The following DNMT3A variants were observed in gnomAD, a reference collection of about 807,000 sequenced individuals.
DNMT3A encodes DNA methyltransferase 3 alpha, also known as DNA (cytosine-5)-methyltransferase 3A.
Under a neutral mutation model 117.6 loss-of-function variants are expected in DNMT3A, and 267 were observed. The observed-to-expected ratio is 2.27, with a 90% CI of 2.05 to 2.51. The LOEUF is 2.51. DNMT3A is among the 30% of genes most tolerant of loss of function. The probability of loss-of-function intolerance (pLI) is 0.00; values close to 1 mark genes in which losing one functional copy is unlikely to be tolerated. For synonymous variants in DNMT3A, 432 were observed against 474.8 expected, an observed-to-expected ratio of 0.91 and a Z score of 1.17; for missense variants, 1,029 against 1,260.2, an observed-to-expected ratio of 0.82 and a Z score of 2.78.
At chr2:25,332,320 G>A (rs188644528) in intron 1 of DNMT3A, among the ~76,000 whole-genome samples, 41 of 152,286 alleles carry the variant, frequency 2.7e-4, no homozygotes, top group African/African-American at 9.6e-4. Context: ...CCTCCGCTTC[G>A]AGACTCAGCT....
rs933065886 is a variant in DNMT3A, at chr2:25,314,736, GAGGCCACGGCCACGGCCAAGGCCAC to G, written c.-177-600_-177-576del. On this transcript the variant is annotated intron_variant, in intron 1 of 22. Transcript: ENST00000321117. ...CTGGTTGGCTCTGGCCTAGGAGGGA[GAGGCCACGGCCACGGCCAAGGCCAC>G]AGGCCACGGCCACACTGAGGCAGGA... is the stretch of plus-strand genomic sequence containing the variant. 5.5e-5 allele frequency: 54 copies of G among 984,716 alleles called. No individual in the cohort carries two copies. In the Admixed American group the frequency reaches 6.1e-4, roughly 11 times the overall value. The allele number at this position is 984,716 out of a possible 1,614,324, so 61.0% of individuals were successfully genotyped here. A position where few individuals can be genotyped will look rare whatever the true frequency, so the allele number is the denominator to read the frequency against.
intron 1 of DNMT3A, among the ~76,000 whole-genome samples, chr2:25,340,890 CCCCCGCCCCG>C (rs1558754468): frequency 2.1e-5 from 3 of 143,774 alleles, no homozygotes; most frequent in Non-Finnish European, 4.6e-5. Context: ...TCCTCGCCCG[CCCCCGCCCCG>C]CCCCCACATT....
chr2:25,271,814 C>T (rs2030932150), intron 6 of DNMT3A, among the ~76,000 whole-genome samples: 1 of 152,184 alleles, frequency 6.6e-6, no homozygotes, highest in South Asian at 2.1e-4. Context: ...TTTGGTTTTT[C>T]TAATAATGCC....
chr2:25,290,748 G>C (rs1160362837), intron 3 of DNMT3A, among the ~76,000 whole-genome samples: 2 of 147,826 alleles, frequency 1.4e-5, no homozygotes, highest in Non-Finnish European at 3.0e-5. Context: ...AAGAAGCCCT[G>C]TCCCCAGGCT....
intron 13 of DNMT3A, among the ~76,000 whole-genome samples, 174 bp downstream of exon 13, chr2:25,245,079 T>C (rs1674579907): frequency 6.6e-6 from 1 of 152,228 alleles, no homozygotes; most frequent in South Asian, 2.1e-4. Context: ...AGTCAAAAGC[T>C]TGAAACCCAA....
chr2:25,271,448 C>G (rs1263921871), intron 6 of DNMT3A, among the ~76,000 whole-genome samples: 1 of 152,210 alleles, frequency 6.6e-6, no homozygotes, highest in Non-Finnish European at 1.5e-5. Flanking sequence ...TGTGTTTTCC[C>G]CATTCTTGAT....
rs1481668068 is a variant in DNMT3A at position 25,300,684 on chromosome 2, G to A, written c.73-441C>T. Reference sequence around the variant, plus strand: ...AATATATTATTTAGATATATATTTAGATATATATTTATATATCTAAATAAT... The same window carrying A: ...AATATATTATTTAGATATATATTTAAATATATATTTATATATCTAAATAAT... On this transcript the variant is annotated intron_variant, in intron 2 of 22. Transcript: ENST00000321117. Among the ~76,000 whole-genome samples the A allele has an allele frequency of 2.2e-3, 81 of 36,384 alleles. 3 individuals are homozygous for A. The highest frequency in any genetic ancestry group is 7.8e-3 in the African/African-American group (76 of 9,698). 23.9% of individuals were successfully genotyped at this position (36,384 alleles called of 152,430 possible). A position where few individuals can be genotyped will look rare whatever the true frequency, so the allele number is the denominator to read the frequency against.
At chr2:25,239,959 C>A (rs1021665269) in intron 19 of DNMT3A, among the ~76,000 whole-genome samples, 2 of 152,212 alleles carry the variant, frequency 1.3e-5, no homozygotes, top group Non-Finnish European at 1.5e-5. Context: ...TCAGGGAAAA[C>A]TGATTTTGTC....
At chr2:25,321,380 C>T (rs2034591149) in intron 1 of DNMT3A, among the ~76,000 whole-genome samples, 1 of 152,230 alleles carries the variant, frequency 6.6e-6, no homozygotes, top group Non-Finnish European at 1.5e-5. Context: ...GCCTCATCAA[C>T]ATCTCCTGCT....
rs2034830224 is a variant in DNMT3A at position 25,327,453 on chromosome 2, A to C, written c.-177-13292T>G. Among the ~76,000 whole-genome samples the C allele has an allele frequency of 1.3e-5, 2 of 152,236 alleles. No homozygotes were observed. The highest frequency in any genetic ancestry group is 4.1e-4 in the South Asian group (2 of 4,824). ...TGGAGCCGGGCCCTGGAGTGAAAGG[A>C]GACCCCTGCTTCTGGAGCTCACCAG... On this transcript the variant is annotated intron_variant, in intron 1 of 22. Coordinates refer to ENST00000321117, the MANE Select transcript of DNMT3A (RefSeq NM_022552.5). This position sits in a 1 kb window ranked among gnomAD's most constrained non-coding sequence, Gnocchi z 4.1.
chr2:25,240,749 C>G lies in DNMT3A; in HGVS notation c.2083-19G>C. Reference sequence around the variant, plus strand: ...CCTGGATCTGGGAGGATAAAGGCAACGTGATGGGCCTGCTGTCCAGGGACA... The same window carrying G: ...CCTGGATCTGGGAGGATAAAGGCAAGGTGATGGGCCTGCTGTCCAGGGACA... On this transcript the variant is annotated intron_variant, in intron 17 of 22. Coordinates refer to ENST00000321117, the MANE Select transcript of DNMT3A (RefSeq NM_022552.5). 6.2e-6 allele frequency: 10 copies of G among 1,610,774 alleles called. No homozygotes were observed. Among genetic ancestry groups the G allele is most frequent in the Non-Finnish European group, 8.5e-6 (10 of 1,177,064 alleles).
At chr2:25,244,460 AAGGGAGAGG>A in intron 14 of DNMT3A, 71 bp downstream of exon 14, 1 of 1,584,588 alleles carries the variant, frequency 6.3e-7, no homozygotes, top group Non-Finnish European at 8.6e-7. Context: ...GTCTGTGGGG[AAGGGAGAGG>A]AGGGGAGGCG....
At chr2:25,323,037 G>A (rs2034655983) in intron 1 of DNMT3A, among the ~76,000 whole-genome samples, 2 of 151,892 alleles carry the variant, frequency 1.3e-5, no homozygotes, top group Non-Finnish European at 2.9e-5. Flanking sequence ...CCTCCTTCCC[G>A]GTGGGAAACG....
intron 4 of DNMT3A, among the ~76,000 whole-genome samples, chr2:25,276,291 A>AC (rs1488232026): frequency 6.6e-6 from 1 of 151,760 alleles, no homozygotes; most frequent in Non-Finnish European, 1.5e-5. Flanking sequence ...TTCCAGTGTG[A>AC]CCTCTGTAAC....
intron 6 of DNMT3A, among the ~76,000 whole-genome samples, chr2:25,249,230 A>T (rs924019685): frequency 1.3e-5 from 2 of 152,120 alleles, no homozygotes; most frequent in Non-Finnish European, 2.9e-5. Context: ...TGTCACCAAA[A>T]ATTTAAAAAG....
At chr2:25,300,056 G>T in intron 3 of DNMT3A, 83 bp downstream of exon 3, 1 of 1,452,600 alleles carries the variant, frequency 6.9e-7, no homozygotes, top group Non-Finnish European at 9.3e-7. Flanking sequence ...GGTCCCTGCA[G>T]GACATACATC....
chr2:25,240,592 G>C, intron 18 of DNMT3A, 48 bp downstream of exon 18: 1 of 1,610,234 alleles, frequency 6.2e-7, no homozygotes, highest in East Asian at 2.2e-5. Context: ...GGAAGCCTAT[G>C]TGCGGAAGCA....
intron 3 of DNMT3A, among the ~76,000 whole-genome samples, chr2:25,283,794 A>C (rs2032075582): frequency 6.6e-6 from 1 of 152,224 alleles, no homozygotes; most frequent in Non-Finnish European, 1.5e-5. Flanking sequence ...ATAAAGAATA[A>C]TCCTGGCTGT....
chr2:25,243,772 C>T lies in DNMT3A; in HGVS notation c.1936+126G>A, dbSNP rs547343755. ...GTTTCCACTTCACACACAAGCTTCC[C>T]CTTTGGGATAATATTTTAACAGCTG... On this transcript the variant is annotated intron_variant, in intron 16 of 22. Transcript: ENST00000321117. 4.1e-5 allele frequency: 44 copies of T among 1,073,970 alleles called. 1 individual carries two copies. The South Asian group carries it at 5.9e-4, about 14-fold the overall frequency. The allele number at this position is 1,073,970 out of a possible 1,614,324, so 66.5% of individuals were successfully genotyped here.
Sources: gnomAD v4.1 joint callset for allele counts (sites outside exome capture counted in the v4.1 genomes callset) on GRCh38, gnomAD v4.1.1 for gene constraint, Gnocchi (gnomAD v3.1) non-coding constraint, MANE v1.5 for transcripts, NCBI Gene and HGNC (gene_info 2026-07-23, HGNC 2026-07-21) for gene names.